Variants in PRELID2 observed in about 807,000 individuals in gnomAD.
The protein encoded by PRELID2 is PRELI domain containing 2.
In PRELID2, 25 loss-of-function variants were observed where a neutral mutation model predicts 28.4. The ratio of observed to expected loss-of-function variants is 0.88; its 90% CI spans 0.64 to 1.23. The LOEUF (loss-of-function observed/expected upper bound fraction) is 1.23. Ranked by LOEUF, PRELID2 falls within the 50% of genes most tolerant of loss-of-function variation. PRELID2 has a pLI of 0.00. For missense variants in PRELID2, 201 were observed against 214.4 expected, an observed-to-expected ratio of 0.94 and a Z score of 0.39; for synonymous variants, 76 against 71.6, an observed-to-expected ratio of 1.06 and a Z score of -0.31.
chr5:145,479,374 T>A (rs1413283813), intron 1 of PRELID2, among the ~76,000 whole-genome samples: 1 of 152,016 alleles, frequency 6.6e-6, no homozygotes, highest in East Asian at 1.9e-4. Context: ...TTCCTGGCCA[T>A]TGCACACGTT....
chr5:145,346,179 C>T, the PRELID2 span, among the ~76,000 whole-genome samples: 1 of 152,024 alleles, frequency 6.6e-6, no homozygotes, highest in Admixed American at 6.6e-5. Flanking sequence ...TCTTAAAGTA[C>T]CCCCAGCACT....
Position 145,743,760 on chromosome 5 carries a change from ACAGCCTCT to A in PRELID2, n.70+21163_70+21170del, listed in dbSNP as rs534399375. 6.0e-4 allele frequency among the ~76,000 whole-genome samples: 92 copies of A among 152,316 alleles called. No individual in the cohort carries two copies. The East Asian group carries it at 0.016, about 26-fold the overall frequency. On this transcript the variant is annotated intron_variant and non_coding_transcript_variant, in intron 1 of 2. Transcript: ENST00000510259. ...AACCCTGGAGCCATGCAGATTCTCA[ACAGCCTCT>A]CAGCCTCTCAGCTGGAATCTACTTA...
intron 5 of PRELID2, among the ~76,000 whole-genome samples, chr5:145,781,720 T>C (rs1037445894): frequency 6.9e-6 from 1 of 145,728 alleles, no homozygotes; most frequent in Non-Finnish European, 1.5e-5. Context: ...ACACACACAC[T>C]ATATATATAT....
chr5:145,456,788 T>C, the PRELID2 span, among the ~76,000 whole-genome samples: 5 of 152,204 alleles, frequency 3.3e-5, no homozygotes, highest in Admixed American at 3.3e-4. Flanking sequence ...TTTAAATGTT[T>C]TTTTAAAGTA....
At chr5:145,248,415 A>G in the PRELID2 span, among the ~76,000 whole-genome samples, 1 of 152,152 alleles carries the variant, frequency 6.6e-6, no homozygotes, top group African/African-American at 2.4e-5. Context: ...ATAGAATGAG[A>G]AGCCAGCTCT....
intron 4 of PRELID2, among the ~76,000 whole-genome samples, chr5:145,805,475 A>G (rs1370259482): frequency 2.6e-5 from 4 of 152,322 alleles, no homozygotes; most frequent in Non-Finnish European, 4.4e-5. Flanking sequence ...CAGATTCATC[A>G]GGAGAACTTT....
the PRELID2 span, among the ~76,000 whole-genome samples, chr5:145,265,714 G>A: frequency 6.6e-6 from 1 of 152,090 alleles, no homozygotes; most frequent in Non-Finnish European, 1.5e-5. Flanking sequence ...GTGGTGAAAA[G>A]ACACCCTATT....
intron 1 of PRELID2, among the ~76,000 whole-genome samples, chr5:145,527,647 G>A (rs569201874): frequency 1.3e-5 from 2 of 152,236 alleles, no homozygotes; most frequent in African/African-American, 2.4e-5. Context: ...GGGTAATATT[G>A]TATTAAGAGC....
At chr5:145,439,672 C>T in the PRELID2 span, among the ~76,000 whole-genome samples, 1 of 151,998 alleles carries the variant, frequency 6.6e-6, no homozygotes, top group African/African-American at 2.4e-5. Flanking sequence ...CTATCTCCAT[C>T]CTATCCCTCA....
the PRELID2 span, among the ~76,000 whole-genome samples, chr5:145,316,692 C>T: frequency 6.6e-6 from 1 of 152,164 alleles, no homozygotes; most frequent in Admixed American, 6.5e-5. Flanking sequence ...GGCTACTCCC[C>T]AGAGCAGGGT....
chr5:145,625,713 C>T (rs985343180), intron 1 of PRELID2, among the ~76,000 whole-genome samples: 2 of 152,082 alleles, frequency 1.3e-5, no homozygotes, highest in African/African-American at 4.8e-5. Context: ...GCACTGTAAG[C>T]CTCTGGCACT....
chr5:145,246,249 AG>A, the PRELID2 span, among the ~76,000 whole-genome samples: 2 of 152,108 alleles, frequency 1.3e-5, no homozygotes, highest in African/African-American at 4.8e-5. Context: ...AGCTTCTGAC[AG>A]CCTAGACTGC....
intron 1 of PRELID2, among the ~76,000 whole-genome samples, chr5:145,588,693 C>T (rs1315293566): frequency 6.6e-6 from 1 of 152,014 alleles, no homozygotes; most frequent in Non-Finnish European, 1.5e-5. Context: ...TACCCTTGCT[C>T]ACAATTACAC....
intron 1 of PRELID2, among the ~76,000 whole-genome samples, chr5:145,589,587 A>G (rs1472918107): frequency 6.6e-6 from 1 of 151,958 alleles, no homozygotes; most frequent in Admixed American, 6.6e-5. Flanking sequence ...AGGTTTTTGC[A>G]TTTATTCTTA....
At chr5:145,764,823 G>A (rs1234112756) in intron 6 of PRELID2, 108 bp downstream of exon 6, 9 of 743,140 alleles carry the variant, frequency 1.2e-5, no homozygotes, top group Non-Finnish European at 2.2e-5. Context: ...CATATAACTG[G>A]GAAATGTGCA....
chr5:145,734,148 C>T (rs1160012112), intron 1 of PRELID2, among the ~76,000 whole-genome samples: 1 of 152,200 alleles, frequency 6.6e-6, no homozygotes, highest in East Asian at 1.9e-4. Flanking sequence ...TGGAGTCTCA[C>T]TCTGTCACCC....
At chr5:145,586,029 CT>C (rs774891177) in intron 1 of PRELID2, among the ~76,000 whole-genome samples, 10,832 of 152,080 alleles carry the variant, frequency 0.071, 573 homozygotes, top group Admixed American at 0.18. Flanking sequence ...GTTCCAGGCT[CT>C]TAATAACCCT....
the PRELID2 span, among the ~76,000 whole-genome samples, chr5:145,343,663 A>G: frequency 6.6e-6 from 1 of 151,912 alleles, no homozygotes; most frequent in Non-Finnish European, 1.5e-5. Flanking sequence ...AGAAATAATA[A>G]ATATAAGAGC....
At chr5:145,246,946 A>G in the PRELID2 span, among the ~76,000 whole-genome samples, 2 of 152,196 alleles carry the variant, frequency 1.3e-5, no homozygotes, top group East Asian at 1.9e-4. Flanking sequence ...TTGCAGGACT[A>G]ACAAATTAGC....
Sources: allele counts gnomAD v4.1 joint callset (sites outside exome capture counted in the v4.1 genomes callset), GRCh38; gene constraint gnomAD v4.1.1; transcripts MANE v1.5; gene names NCBI Gene and HGNC (gene_info 2026-07-23, HGNC 2026-07-21).